CEP112: variants seen among roughly 807,000 people sequenced by gnomAD.
CEP112 encodes the protein centrosomal protein of 112 kDa.
CEP112 carries 127 observed loss-of-function variants against 153.0 expected under a neutral mutation model. The observed-to-expected ratio is 0.83, with a 90% CI of 0.72 to 0.96. CEP112 has a LOEUF of 0.96. Ranked by LOEUF, CEP112 falls within the 40% of genes least tolerant of loss-of-function variation. The pLI, the probability that CEP112 is intolerant of heterozygous loss-of-function variation, is 0.00. For synonymous variants in CEP112, 358 were observed against 374.4 expected, an observed-to-expected ratio of 0.96 and a Z score of 0.51; for missense variants, 1,089 against 1,101.2, an observed-to-expected ratio of 0.99 and a Z score of 0.16.
rs3222034 is a variant in CEP112, at chr17:65,916,250, A to AGTGTGTGTGTGTGTGT, written c.1980+11316_1980+11331dup. ...TACCTTAAATTATGTTTTGAAAAAG[A>AGTGTGTGTGTGTGTGT]GTGTGTGTGTGTGTGTGTGTGTGTG... On this transcript the variant is annotated intron_variant, in intron 19 of 26. Transcript: ENST00000535342. Among the ~76,000 whole-genome samples, 109 of 129,948 alleles carry AGTGTGTGTGTGTGTGT rather than the reference A, an allele frequency of 8.4e-4. 3 individuals are homozygous for AGTGTGTGTGTGTGTGT. The highest frequency in any genetic ancestry group is 4.4e-3 in the East Asian group (19 of 4,290). 85.3% of individuals were successfully genotyped at this position (129,948 alleles called of 152,430 possible).
At position 66,050,636 on chromosome 17, in the gene CEP112, T is replaced by G. The variant is rs141564363; in HGVS notation, c.1218+3100A>C. On this transcript the variant is annotated intron_variant, in intron 12 of 26. Transcript: ENST00000535342. ...AAGAAGAGTATAAAAAAACCCCTTG[T>G]ACCTAACACTCCAATTAAACATCTA... Among the ~76,000 whole-genome samples the G allele has an allele frequency of 4.6e-5, 7 of 152,300 alleles. No individual in the cohort carries two copies. In the South Asian group the frequency reaches 8.3e-4, roughly 18 times the overall value.
At chr17:66,142,665 C>T (rs1258479809) in intron 4 of CEP112, among the ~76,000 whole-genome samples, 2 of 152,032 alleles carry the variant, frequency 1.3e-5, no homozygotes, top group African/African-American at 4.8e-5. Flanking sequence ...ACTGTAAATG[C>T]GTGGGTTTAT....
intron 19 of CEP112, among the ~76,000 whole-genome samples, chr17:65,908,434 G>A (rs1276669588): frequency 1.3e-5 from 2 of 152,134 alleles, no homozygotes; most frequent in African/African-American, 2.4e-5. Context: ...AGTGGCTCAC[G>A]CCTGTAATCC....
At chr17:66,174,921 G>A (rs1256740855) in intron 4 of CEP112, 123 bp downstream of exon 4, 2 of 527,596 alleles carry the variant, frequency 3.8e-6, no homozygotes, top group Middle Eastern at 5.2e-4. Context: ...AATCTTGAAT[G>A]TGCAGTTAAG....
At chr17:65,670,542 A>G (rs1598269488) in intron 24 of CEP112, among the ~76,000 whole-genome samples, 3 of 152,074 alleles carry the variant, frequency 2.0e-5, no homozygotes, top group Non-Finnish European at 4.4e-5. Context: ...CCTTAACCCC[A>G]CCTTCCTCTA....
At chr17:65,665,408 T>C (rs914119017) in intron 24 of CEP112, among the ~76,000 whole-genome samples, 1 of 152,228 alleles carries the variant, frequency 6.6e-6, no homozygotes, top group Admixed American at 6.5e-5. Flanking sequence ...CCAGGTCATA[T>C]GCATGGGTTT....
At chr17:65,854,063 C>T (rs1381788207) in intron 20 of CEP112, among the ~76,000 whole-genome samples, 1 of 152,136 alleles carries the variant, frequency 6.6e-6, no homozygotes, top group Non-Finnish European at 1.5e-5. Flanking sequence ...TACTTACTGC[C>T]ACTAACACAT....
intron 1 of CEP112, among the ~76,000 whole-genome samples, chr17:66,186,966 C>G (rs887831374): frequency 2.0e-5 from 3 of 152,230 alleles, no homozygotes; most frequent in Admixed American, 2.0e-4. Context: ...TCCACCTCTG[C>G]TCCTGTATCA....
chr17:65,899,592 T>A (rs117534670), intron 20 of CEP112, among the ~76,000 whole-genome samples: 1 of 152,144 alleles, frequency 6.6e-6, no homozygotes, highest in Non-Finnish European at 1.5e-5. Flanking sequence ...CTATACTTTA[T>A]AATAATGATT....
chr17:65,923,940 A>G (rs968602115), intron 19 of CEP112, among the ~76,000 whole-genome samples: 55 of 152,234 alleles, frequency 3.6e-4, no homozygotes, highest in African/African-American at 1.2e-3. Context: ...AATCTTTTTA[A>G]TAAGTATATA....
chr17:65,878,198 A>AGAAG lies in CEP112; in HGVS notation c.2163+23950_2163+23953dup, dbSNP rs139403317. 9.7e-3 allele frequency among the ~76,000 whole-genome samples: 1,470 copies of AGAAG among 152,238 alleles called. 29 individuals are homozygous for AGAAG. Among genetic ancestry groups the AGAAG allele is most frequent in the African/African-American group, 0.034 (1,397 of 41,522 alleles). On this transcript the variant is annotated intron_variant, in intron 20 of 26. Transcript: ENST00000535342. ...TCTTACCTGTTCTCATTGCAAAAAA[A>AGAAG]GAAGGAAGGAAGGAAGGGAGGGAGG...
chr17:65,879,863 A>C (rs1372844967), intron 20 of CEP112, among the ~76,000 whole-genome samples: 2 of 151,588 alleles, frequency 1.3e-5, no homozygotes, highest in East Asian at 1.9e-4. Context: ...AAAAAAAAAA[A>C]AAAAGTCATG....
At chr17:66,022,685 G>C (rs1207488615) in intron 16 of CEP112, among the ~76,000 whole-genome samples, 1 of 136,368 alleles carries the variant, frequency 7.3e-6, no homozygotes, top group Non-Finnish European at 1.5e-5. Context: ...CTCCAGCCTG[G>C]ATGACAGAAC....
intron 6 of CEP112, among the ~76,000 whole-genome samples, chr17:66,102,608 T>C (rs1276137157): frequency 1.3e-5 from 2 of 150,982 alleles, no homozygotes; most frequent in Non-Finnish European, 3.0e-5. Flanking sequence ...CCATCCTGGC[T>C]AACATGGTGA....
chr17:65,981,378 C>T (rs148359037), intron 17 of CEP112, among the ~76,000 whole-genome samples: 175 of 152,254 alleles, frequency 1.1e-3, no homozygotes, highest in African/African-American at 3.3e-3. Context: ...CCAGCATATT[C>T]GATAGCTAAT....
At chr17:65,880,861 C>T (rs1341035626) in intron 20 of CEP112, among the ~76,000 whole-genome samples, 1 of 152,062 alleles carries the variant, frequency 6.6e-6, no homozygotes, top group African/African-American at 2.4e-5. Context: ...AATAAAGGAG[C>T]AACACTTATT....
intron 11 of CEP112, among the ~76,000 whole-genome samples, chr17:66,058,188 A>G (rs2066779243): frequency 6.6e-6 from 1 of 152,186 alleles, no homozygotes; most frequent in African/African-American, 2.4e-5. Flanking sequence ...CAGCAGAAAG[A>G]AAAAGACGTA....
intron 17 of CEP112, among the ~76,000 whole-genome samples, chr17:65,989,404 A>G (rs1596324): frequency 0.58 from 88,226 of 151,122 alleles, 27,132 homozygotes; most frequent in African/African-American, 0.72. Flanking sequence ...GCTCCAATTC[A>G]TTTGGCAACA....
intron 24 of CEP112, among the ~76,000 whole-genome samples, chr17:65,682,403 T>C (rs2144258633): frequency 6.6e-6 from 1 of 152,336 alleles, no homozygotes; most frequent in Admixed American, 6.5e-5. Flanking sequence ...ATGTGAATTT[T>C]AGGCCATAAC....
Sources: gnomAD v4.1 joint callset for allele counts (sites outside exome capture counted in the v4.1 genomes callset) on GRCh38, gnomAD v4.1.1 for gene constraint, MANE v1.5 for transcripts, NCBI Gene and HGNC (gene_info 2026-07-23, HGNC 2026-07-21) for gene names.